The following FGF13 variants were observed in gnomAD, a reference collection of about 807,000 sequenced individuals.
The protein encoded by FGF13 is fibroblast growth factor 13, also known as fibroblast growth factor homologous factor 2.
FGF13 carries 2 observed loss-of-function variants against 19.5 expected under a neutral mutation model. That is an observed-to-expected ratio of 0.10 (90% confidence interval 0.04 to 0.32). FGF13 has a LOEUF of 0.32. Ranked by LOEUF, FGF13 falls within the 10% of genes least tolerant of loss-of-function variation. FGF13 has a pLI of 1.00. For synonymous variants in FGF13, 72 were observed against 76.9 expected (o/e 0.94, Z 0.33); for missense variants, 113 against 192.7 (o/e 0.59, Z 2.45).
At chrX:138,945,775 T>C (rs779513292) in intron 1 of FGF13, among the ~76,000 whole-genome samples, 2 of 112,063 alleles carry the variant, frequency 1.8e-5, no homozygotes, top group South Asian at 3.7e-4. Flanking sequence ...ACAGTGACTG[T>C]AGGTTACCCT....
At chrX:139,074,855 A>G (rs758559199) in intron 1 of FGF13, among the ~76,000 whole-genome samples, 1 of 111,946 alleles carries the variant, frequency 8.9e-6, no homozygotes, top group Non-Finnish European at 1.9e-5. Flanking sequence ...TAGGAATCTT[A>G]AGCCTGCTCT....
At chrX:138,873,177 T>C (rs761583393) in intron 1 of FGF13, among the ~76,000 whole-genome samples, 1 of 111,386 alleles carries the variant, frequency 9.0e-6, no homozygotes, top group African/African-American at 3.3e-5. Context: ...AATTTGGCTC[T>C]GGCTTCCTGT....
In FGF13 at chrX:138,710,808, C is replaced by G; in HGVS notation, c.187+9G>C. The G allele has an allele frequency of 8.3e-7, 1 of 1,211,262 alleles. No homozygotes were observed. The highest frequency in any genetic ancestry group is 1.1e-6 in the Non-Finnish European group (1 of 895,076). On this transcript the variant is annotated intron_variant, in intron 1 of 4. Transcript: ENST00000315930. ...GTATGGGGAAAAGAAAGCAAAAGCC[C>G]TTTCCGACCTGGTCTTCTTCTGCGC...
chrX:138,849,833 T>C (rs766243695), intron 3 of FGF13, among the ~76,000 whole-genome samples: 2 of 112,068 alleles, frequency 1.8e-5, no homozygotes, highest in East Asian at 5.6e-4. Flanking sequence ...TTTTCAAGTA[T>C]CTTTGATTTT....
At chrX:139,114,716 C>G (rs757431910) in intron 1 of FGF13, among the ~76,000 whole-genome samples, 4 of 111,712 alleles carry the variant, frequency 3.6e-5, no homozygotes, top group South Asian at 7.5e-4. Flanking sequence ...GATGTTTTCT[C>G]AATATTATAT....
chrX:138,839,951 A>G (rs749689939), intron 3 of FGF13, among the ~76,000 whole-genome samples: 1 of 112,024 alleles, frequency 8.9e-6, no homozygotes, highest in Admixed American at 9.5e-5. Flanking sequence ...AAATATCTAC[A>G]TTCTAGCATT....
At chrX:139,002,938 T>C (rs1055811850) in intron 1 of FGF13, among the ~76,000 whole-genome samples, 1 of 111,982 alleles carries the variant, frequency 8.9e-6, no homozygotes, top group Admixed American at 9.4e-5. Flanking sequence ...TCAGGTAATA[T>C]ACAGCAAATT....
chrX:138,913,454 G>A (rs757287074), intron 1 of FGF13, among the ~76,000 whole-genome samples: 19 of 109,918 alleles, frequency 1.7e-4, no homozygotes, highest in African/African-American at 4.6e-4. Flanking sequence ...GTGAGCCACC[G>A]CACCCGGCCA....
intron 1 of FGF13, among the ~76,000 whole-genome samples, chrX:139,168,352 T>G (rs2084102499): frequency 8.9e-6 from 1 of 111,860 alleles, no homozygotes; most frequent in Non-Finnish European, 1.9e-5. Flanking sequence ...CATTTAGTAT[T>G]TTTAAATATA....
chrX:138,886,697 A>G (rs1307893610), intron 1 of FGF13, among the ~76,000 whole-genome samples: 3 of 111,820 alleles, frequency 2.7e-5, no homozygotes, highest in African/African-American at 9.8e-5. Context: ...AATAATACAC[A>G]TGGTTTGAGG....
chrX:138,884,951 G>A (rs181827821), intron 1 of FGF13, among the ~76,000 whole-genome samples: 1 of 112,058 alleles, frequency 8.9e-6, no homozygotes, highest in African/African-American at 3.2e-5. Flanking sequence ...GGCACCATTA[G>A]CCATCTAGTT....
At chrX:139,057,449 A>G (rs2124418885) in intron 1 of FGF13, among the ~76,000 whole-genome samples, 1 of 112,081 alleles carries the variant, frequency 8.9e-6, no homozygotes, top group East Asian at 2.8e-4. Context: ...TGGTGCCGTC[A>G]CTTTGAAAAC....
chrX:139,085,346 A>C (rs777809249), intron 1 of FGF13, among the ~76,000 whole-genome samples: 2 of 111,939 alleles, frequency 1.8e-5, no homozygotes, highest in Non-Finnish European at 3.8e-5. Context: ...GACTCTCCTC[A>C]TCTCTAAAAT....
chrX:138,902,557 G>T (rs765248205), intron 1 of FGF13, among the ~76,000 whole-genome samples: 1 of 111,327 alleles, frequency 9.0e-6, no homozygotes, highest in East Asian at 2.8e-4. Flanking sequence ...TATTTTGGGG[G>T]TAGGAACAAA....
chrX:138,720,152 T>C (rs916885985), intron 1 of FGF13, among the ~76,000 whole-genome samples: 7 of 112,761 alleles, frequency 6.2e-5, no homozygotes, highest in Admixed American at 4.7e-4. Context: ...GTCATTGATA[T>C]GTTCTTGAAA....
At chrX:139,067,035 C>G (rs1464656503) in intron 1 of FGF13, among the ~76,000 whole-genome samples, 1 of 111,737 alleles carries the variant, frequency 8.9e-6, no homozygotes, top group African/African-American at 3.3e-5. Flanking sequence ...AAAAACCACA[C>G]AATTATCTCA....
intron 3 of FGF13, among the ~76,000 whole-genome samples, chrX:138,765,853 C>G (rs1569387415): frequency 2.7e-5 from 3 of 111,775 alleles, no homozygotes; most frequent in Non-Finnish European, 5.6e-5. Flanking sequence ...TCAAGTCTTA[C>G]TGGGCCTGTT....
At chrX:138,745,340 T>C (rs143751291) in intron 3 of FGF13, among the ~76,000 whole-genome samples, 1 of 112,075 alleles carries the variant, frequency 8.9e-6, no homozygotes, top group African/African-American at 3.2e-5. Context: ...CACAATTGTA[T>C]ACAATGCAGG....
upstream of FGF13, among the ~76,000 whole-genome samples, chrX:138,713,145 C>T (rs2090070778): frequency 8.9e-6 from 1 of 112,360 alleles, no homozygotes; most frequent in Non-Finnish European, 1.9e-5. Flanking sequence ...CATTTTCTAC[C>T]TACTCTTTTG....
Sources: allele counts gnomAD v4.1 joint callset (sites outside exome capture counted in the v4.1 genomes callset), GRCh38; gene constraint gnomAD v4.1.1; transcripts MANE v1.5; gene names NCBI Gene and HGNC (gene_info 2026-07-23, HGNC 2026-07-21).